The following CPSF3 variants were observed in gnomAD, a reference collection of about 807,000 sequenced individuals.
CPSF3 encodes cleavage and polyadenylation specificity factor subunit 3.
In CPSF3, 57 loss-of-function variants were observed where a neutral mutation model predicts 84.1. The observed-to-expected ratio is 0.68, with a 90% CI of 0.55 to 0.85. The LOEUF is 0.85. Ranked by LOEUF, CPSF3 falls within the 40% of genes least tolerant of loss-of-function variation. CPSF3 has a pLI of 0.00. For synonymous variants in CPSF3, 275 were observed against 278.1 expected (o/e 0.99, Z 0.11); for missense variants, 522 against 838.8 (o/e 0.62, Z 4.66).
chr2:9,435,771 C>T (rs1027492298), intron 6 of CPSF3, among the ~76,000 whole-genome samples: 3 of 151,562 alleles, frequency 2.0e-5, no homozygotes, highest in South Asian at 4.2e-4. Flanking sequence ...CTTGCTCTGT[C>T]GCCCAGGCTG....
intron 15 of CPSF3, among the ~76,000 whole-genome samples, chr2:9,464,596 CTTTAT>C (rs1302816464): frequency 5.3e-5 from 8 of 151,414 alleles, no homozygotes; most frequent in Admixed American, 2.6e-4. Context: ...TTTTATTTTA[CTTTAT>C]TTTATTTTTT....
At chr2:9,457,145 ATATGTGTGTGTGTGTGTGTGTG>A (rs1189781708) in intron 14 of CPSF3, 118 bp downstream of exon 14, 51 of 475,154 alleles carry the variant, frequency 1.1e-4, no homozygotes, top group Non-Finnish European at 1.5e-4. Context: ...GTTGGAAAGT[ATATGTGTGTGTGTGTGTGTGTG>A]TGTGTGTGTG....
intron 7 of CPSF3, among the ~76,000 whole-genome samples, chr2:9,437,825 AC>A (rs1482617570): frequency 2.6e-5 from 4 of 152,190 alleles, no homozygotes; most frequent in Admixed American, 2.0e-4. Context: ...ACAAGGCAAG[AC>A]CCTGTCTCTA....
intron 1 of CPSF3, among the ~76,000 whole-genome samples, chr2:9,426,396 G>A (rs1680393419): frequency 6.6e-6 from 1 of 152,222 alleles, no homozygotes; most frequent in Non-Finnish European, 1.5e-5. Flanking sequence ...AGTAGAGCAA[G>A]TACGGGGCAT....
At chr2:9,450,284 T>A (rs1357329114) in intron 11 of CPSF3, among the ~76,000 whole-genome samples, 1 of 151,832 alleles carries the variant, frequency 6.6e-6, no homozygotes, top group Non-Finnish European at 1.5e-5. Context: ...CCTGATTAGC[T>A]GGGATCACAG....
intron 7 of CPSF3, among the ~76,000 whole-genome samples, chr2:9,439,417 G>A (rs2124821272): frequency 6.6e-6 from 1 of 150,894 alleles, no homozygotes; most frequent in East Asian, 2.0e-4. Context: ...AACTTGCAGT[G>A]AGCGGAGATC....
Position 9,451,984 on chromosome 2 carries a change from G to A in CPSF3, c.1396-929G>A, listed in dbSNP as rs537044947. Among the ~76,000 whole-genome samples the A allele has an allele frequency of 1.2e-4, 18 of 152,168 alleles. No individual in the cohort carries two copies. The South Asian group carries it at 3.7e-3, about 32-fold the overall frequency. On this transcript the variant is annotated intron_variant, in intron 11 of 17. Coordinates refer to ENST00000238112, the MANE Select transcript of CPSF3 (RefSeq NM_016207.4). ...GCCTGCCTTGGCCTCCCAAAATGCTGGGATTATGGGCGTGAGCCACCATGC... is the reference window on the plus strand; with the variant it reads ...GCCTGCCTTGGCCTCCCAAAATGCTAGGATTATGGGCGTGAGCCACCATGC...
At chr2:9,426,890 G>A (rs72775263) in intron 1 of CPSF3, among the ~76,000 whole-genome samples, 22,661 of 116,474 alleles carry the variant, frequency 0.19, 2,074 homozygotes, top group Middle Eastern at 0.35. Flanking sequence ...AAAAAAAAAA[G>A]ACTGAAATGA....
At chr2:9,470,165 T>G (rs1419857840) in intron 16 of CPSF3, among the ~76,000 whole-genome samples, 4 of 152,192 alleles carry the variant, frequency 2.6e-5, no homozygotes, top group Admixed American at 2.0e-4. Flanking sequence ...GAGGTTGCAG[T>G]GGGCCGAGAT....
chr2:9,437,265 G>A (rs1228710211), intron 7 of CPSF3, among the ~76,000 whole-genome samples: 1 of 152,132 alleles, frequency 6.6e-6, no homozygotes, highest in Non-Finnish European at 1.5e-5. Context: ...TGAGCCAGGT[G>A]TGGTGGCACA....
intron 6 of CPSF3, among the ~76,000 whole-genome samples, chr2:9,435,081 T>G (rs184415397): frequency 2.0e-4 from 31 of 152,350 alleles, no homozygotes; most frequent in Middle Eastern, 3.4e-3. Context: ...GAGCAGTGCT[T>G]CAAATTTTAA....
At chr2:9,464,495 G>C (rs902567914) in intron 15 of CPSF3, among the ~76,000 whole-genome samples, 2 of 151,978 alleles carry the variant, frequency 1.3e-5, no homozygotes, top group Non-Finnish European at 2.9e-5. Context: ...TGAAACTAAT[G>C]ATTATAATTA....
At chr2:9,436,498 G>A in intron 7 of CPSF3, 137 bp downstream of exon 7, 1 of 935,468 alleles carries the variant, frequency 1.1e-6, no homozygotes, top group Non-Finnish European at 1.5e-6. Context: ...TTGGGGCCGG[G>A]CGCGGTGGCT....
chr2:9,456,398 A>G (rs1001236308), intron 13 of CPSF3, among the ~76,000 whole-genome samples: 6 of 152,250 alleles, frequency 3.9e-5, no homozygotes, highest in Admixed American at 3.3e-4. Flanking sequence ...CCACCATAAA[A>G]TAAACCAGTA....
chr2:9,434,404 G>A (rs1421346134), intron 6 of CPSF3, among the ~76,000 whole-genome samples: 1 of 151,798 alleles, frequency 6.6e-6, no homozygotes, highest in Admixed American at 6.6e-5. Context: ...GCTTCTTTTT[G>A]TAGTGCAGTT....
chr2:9,429,161 C>A (rs576335921), intron 2 of CPSF3, among the ~76,000 whole-genome samples: 1 of 152,376 alleles, frequency 6.6e-6, no homozygotes, highest in South Asian at 2.1e-4. Flanking sequence ...TCTGAACACA[C>A]TGAGAGCTCT....
At chr2:9,453,889 C>CA (rs771674855) in intron 12 of CPSF3, among the ~76,000 whole-genome samples, 2 of 151,112 alleles carry the variant, frequency 1.3e-5, no homozygotes, top group Non-Finnish European at 2.9e-5. Context: ...GACTCCATCT[C>CA]AAAAAAAAGG....
intron 15 of CPSF3, 150 bp downstream of exon 15, chr2:9,459,768 G>A: frequency 2.0e-6 from 1 of 503,928 alleles, no homozygotes; most frequent in Non-Finnish European, 3.4e-6. Flanking sequence ...TCCTGCCTCA[G>A]CCTCCCAAGG....
At chr2:9,441,093 T>C (rs1299115622) in intron 8 of CPSF3, among the ~76,000 whole-genome samples, 1 of 152,256 alleles carries the variant, frequency 6.6e-6, no homozygotes, top group African/African-American at 2.4e-5. Context: ...GAGAAAAATA[T>C]TTTGTATTAT....
Sources: gnomAD v4.1 joint callset for allele counts (sites outside exome capture counted in the v4.1 genomes callset) on GRCh38, gnomAD v4.1.1 for gene constraint, MANE v1.5 for transcripts, NCBI Gene and HGNC (gene_info 2026-07-23, HGNC 2026-07-21) for gene names.